DLGAP2: variants seen among roughly 807,000 people sequenced by gnomAD.
DLGAP2 encodes disks large-associated protein 2.
In DLGAP2, 26 loss-of-function variants were observed where a neutral mutation model predicts 100.3. That is an observed-to-expected ratio of 0.26 (90% confidence interval 0.19 to 0.36). The LOEUF is 0.36. DLGAP2 is among the 10% of genes least tolerant of loss of function. DLGAP2 has a pLI of 1.00. For missense variants in DLGAP2, 1,858 were observed against 1,453.2 expected (o/e 1.28, Z -4.53); for synonymous variants, 886 against 630.1 (o/e 1.41, Z -6.08).
At chr8:866,019 T>C (rs1003246585) in intron 1 of DLGAP2, among the ~76,000 whole-genome samples, 2 of 152,242 alleles carry the variant, frequency 1.3e-5, no homozygotes, top group Non-Finnish European at 2.9e-5. Context: ...TATGGGTCTC[T>C]TTTTAAATTT....
intron 2 of DLGAP2, among the ~76,000 whole-genome samples, chr8:1,134,779 G>C (rs1354739260): frequency 1.3e-5 from 2 of 152,120 alleles, no homozygotes; most frequent in Non-Finnish European, 2.9e-5. Context: ...CGGCAGGCGA[G>C]GGAGAGCATG....
intron 11 of DLGAP2, among the ~76,000 whole-genome samples, chr8:1,677,578 G>A (rs567008241): frequency 7.2e-5 from 11 of 152,162 alleles, no homozygotes; most frequent in Admixed American, 2.0e-4. Context: ...GCACACACAC[G>A]CTCACAGTGT....
intron 1 of DLGAP2, among the ~76,000 whole-genome samples, chr8:783,091 A>G (rs954722989): frequency 3.9e-5 from 6 of 152,266 alleles, no homozygotes; most frequent in African/African-American, 1.4e-4. Flanking sequence ...CTAGGACATC[A>G]TCTCACAATG....
At chr8:918,452 G>T (rs1798640590) in intron 2 of DLGAP2, among the ~76,000 whole-genome samples, 1 of 152,186 alleles carries the variant, frequency 6.6e-6, no homozygotes, top group Non-Finnish European at 1.5e-5. Flanking sequence ...TTCTGATTGT[G>T]TAGACTGGGT....
rs141366991 is a variant in DLGAP2, at chr8:1,540,175, C to T, written c.173-8451C>T. On this transcript the variant is annotated intron_variant, in intron 4 of 14. Coordinates refer to ENST00000637795, the MANE Select transcript of DLGAP2 (RefSeq NM_001346810.2). ...TACGTCCTACTTCCTTAGGTCTCTGCCCTGGTCAAGCCCTCCCCACCACAC... is the reference window on the plus strand; with the variant it reads ...TACGTCCTACTTCCTTAGGTCTCTGTCCTGGTCAAGCCCTCCCCACCACAC... Among the ~76,000 whole-genome samples the T allele has an allele frequency of 2.4e-3, 364 of 152,310 alleles. 1 individual carries two copies. Among genetic ancestry groups the T allele is most frequent in the African/African-American group, 8.1e-3 (337 of 41,568 alleles).
intron 1 of DLGAP2, among the ~76,000 whole-genome samples, chr8:870,709 C>T (rs780263851): frequency 6.6e-6 from 1 of 152,164 alleles, no homozygotes; most frequent in African/African-American, 2.4e-5. Flanking sequence ...TTTCCAGAAA[C>T]CTCCTCAGCA....
chr8:782,801 A>G (rs1165437899), intron 1 of DLGAP2, among the ~76,000 whole-genome samples: 2 of 152,206 alleles, frequency 1.3e-5, no homozygotes, highest in African/African-American at 4.8e-5. Context: ...CTTGAAAAGC[A>G]GAAATACCAC....
intron 3 of DLGAP2, among the ~76,000 whole-genome samples, chr8:1,454,816 C>G (rs778664008): frequency 1.4e-4 from 22 of 152,176 alleles, no homozygotes; most frequent in Non-Finnish European, 3.1e-4. Context: ...ACTGAGCACT[C>G]AGACCTTCGA....
chr8:1,163,495 T>C (rs1313314072), intron 2 of DLGAP2, among the ~76,000 whole-genome samples: 1 of 152,234 alleles, frequency 6.6e-6, no homozygotes, highest in Non-Finnish European at 1.5e-5. Context: ...AATTATTTAT[T>C]CACCAAGATT....
intron 3 of DLGAP2, among the ~76,000 whole-genome samples, chr8:1,432,624 T>TTAA (rs1797483697): frequency 2.0e-5 from 3 of 152,212 alleles, no homozygotes; most frequent in Admixed American, 1.3e-4. Flanking sequence ...TTAAGTTAAT[T>TTAA]GTAAAAACAC....
chr8:914,043 T>C (rs997205678), intron 2 of DLGAP2, among the ~76,000 whole-genome samples: 2 of 152,272 alleles, frequency 1.3e-5, no homozygotes, highest in African/African-American at 2.4e-5. Context: ...CAAGATTAAA[T>C]ATGAGGTCTC....
intron 2 of DLGAP2, among the ~76,000 whole-genome samples, chr8:1,057,766 A>G (rs1802927305): frequency 6.6e-6 from 1 of 152,238 alleles, no homozygotes; most frequent in African/African-American, 2.4e-5. Context: ...AGAGGTTAAA[A>G]TGTGTTACCA....
At chr8:1,669,607 T>G in intron 9 of DLGAP2, 136 bp from the exon 10 acceptor site, 1 of 691,222 alleles carries the variant, frequency 1.4e-6, no homozygotes. Flanking sequence ...GGGAGGAGGG[T>G]GAGTGGAGCG....
Position 1,247,478 on chromosome 8 carries a change from T to C in DLGAP2, c.74-11373T>C, listed in dbSNP as rs377236007. 7.0e-3 allele frequency among the ~76,000 whole-genome samples: 500 copies of C among 71,460 alleles called. 1 individual carries two copies. Among genetic ancestry groups the C allele is most frequent in the Middle Eastern group, 0.041 (3 of 74 alleles). The allele number at this position is 71,460 out of a possible 152,430, so 46.9% of individuals were successfully genotyped here. A position where few individuals can be genotyped will look rare whatever the true frequency, so the allele number is the denominator to read the frequency against. On this transcript the variant is annotated intron_variant, in intron 2 of 14. Coordinates refer to ENST00000637795, the MANE Select transcript of DLGAP2 (RefSeq NM_001346810.2). ...AGATCAGTGTGGGAGTGATGGTCCA[T>C]GTTGGTGGCCGGGAAGACCTTTGAG... is the stretch of plus-strand genomic sequence containing the variant.
chr8:1,048,515 G>T (rs963926347), intron 2 of DLGAP2, among the ~76,000 whole-genome samples: 1 of 151,716 alleles, frequency 6.6e-6, no homozygotes, highest in Non-Finnish European at 1.5e-5. Flanking sequence ...GCTATACTCC[G>T]CAAGGCCCCT....
At chr8:1,046,334 T>A (rs1425533447) in intron 2 of DLGAP2, among the ~76,000 whole-genome samples, 1 of 152,216 alleles carries the variant, frequency 6.6e-6, no homozygotes, top group East Asian at 1.9e-4. Context: ...GGGCCATGCT[T>A]CACTTTACCT....
chr8:1,534,308 G>C (rs561183572), intron 4 of DLGAP2, among the ~76,000 whole-genome samples: 2 of 152,276 alleles, frequency 1.3e-5, no homozygotes, highest in Non-Finnish European at 1.5e-5. Flanking sequence ...TGACCTTTTG[G>C]CTTCAGGAAT....
intron 1 of DLGAP2, among the ~76,000 whole-genome samples, chr8:871,588 C>T (rs141192357): frequency 6.6e-5 from 10 of 152,254 alleles, no homozygotes; most frequent in Non-Finnish European, 1.2e-4. Context: ...GCTTCCAAAA[C>T]CTTTAGAGAG....
At chr8:1,563,568 C>T (rs867378296) in intron 5 of DLGAP2, among the ~76,000 whole-genome samples, 1 of 141,972 alleles carries the variant, frequency 7.0e-6, no homozygotes, top group Non-Finnish European at 1.5e-5. Flanking sequence ...CTCGTTGCTG[C>T]GGGACTGTGT....
Sources: gnomAD v4.1 joint callset for allele counts (sites outside exome capture counted in the v4.1 genomes callset) on GRCh38, gnomAD v4.1.1 for gene constraint, MANE v1.5 for transcripts, NCBI Gene and HGNC (gene_info 2026-07-23, HGNC 2026-07-21) for gene names.